The following PADI2 variants were observed in gnomAD, a reference collection of about 807,000 sequenced individuals.
PADI2 encodes protein-arginine deiminase type-2.
In PADI2, 70 loss-of-function variants were observed where a neutral mutation model predicts 81.1. The observed-to-expected ratio is 0.86, with a 90% CI of 0.71 to 1.05. The LOEUF (loss-of-function observed/expected upper bound fraction) is 1.05, where lower values mean the gene tolerates loss of function less well. Ranked by LOEUF, PADI2 falls within the 50% of genes least tolerant of loss-of-function variation. The pLI is 0.00. For missense variants in PADI2, 853 were observed against 889.9 expected (o/e 0.96, Z 0.53); for synonymous variants, 338 against 358.0 (o/e 0.94, Z 0.63).
intron 13 of PADI2, among the ~76,000 whole-genome samples, chr1:17,072,560 C>T (rs2078271965): frequency 6.6e-6 from 1 of 152,168 alleles, no homozygotes; most frequent in Non-Finnish European, 1.5e-5. Flanking sequence ...CACCTTCCTC[C>T]CCAGGTCTCC....
intron 1 of PADI2, among the ~76,000 whole-genome samples, chr1:17,112,197 A>G (rs1931600943): frequency 6.6e-6 from 1 of 152,038 alleles, no homozygotes; most frequent in Admixed American, 6.6e-5. Flanking sequence ...GGCTGTGGAA[A>G]TGGAGAGAAA....
At chr1:17,113,878 G>A (rs1212397989) in intron 1 of PADI2, among the ~76,000 whole-genome samples, 1 of 152,200 alleles carries the variant, frequency 6.6e-6, no homozygotes, top group Non-Finnish European at 1.5e-5. Flanking sequence ...GGGCACTGGG[G>A]TGAGCCCCTG....
At position 17,084,591 on chromosome 1, in the gene PADI2, C is replaced by A; in HGVS notation, c.938+8G>T. On this transcript the variant is annotated splice_region_variant and intron_variant, in intron 8 of 15. Coordinates refer to ENST00000375486, the MANE Select transcript of PADI2 (RefSeq NM_007365.3). Reference sequence around the variant, plus strand: ...ACGCTGCCTCTCCAGGCTGGGGTCACCCCTTACCAGCACACAAACACCGAC... The same window carrying A: ...ACGCTGCCTCTCCAGGCTGGGGTCAACCCTTACCAGCACACAAACACCGAC... 1 of 1,561,474 alleles carries A rather than the reference C, an allele frequency of 6.4e-7. No homozygotes were observed. The highest frequency in any genetic ancestry group is 1.4e-5 in the African/African-American group (1 of 73,616).
At chr1:17,079,626 G>A (rs549774195) in intron 10 of PADI2, among the ~76,000 whole-genome samples, 16 of 151,474 alleles carry the variant, frequency 1.1e-4, no homozygotes, top group African/African-American at 3.9e-4. Context: ...GTGAGAGTGC[G>A]AGTGAGAGTG....
chr1:17,083,641 G>T, intron 9 of PADI2, 85 bp downstream of exon 9: 1 of 795,688 alleles, frequency 1.3e-6, no homozygotes, highest in East Asian at 2.4e-5. Flanking sequence ...AGAGCTGCTG[G>T]GTGCCAGGCA....
chr1:17,093,106 T>A (rs1228771099), intron 5 of PADI2, among the ~76,000 whole-genome samples: 1 of 151,980 alleles, frequency 6.6e-6, no homozygotes, highest in African/African-American at 2.4e-5. Context: ...TTCTTCTTTT[T>A]TTTTCTTGAG....
At chr1:17,071,048 C>T (rs1236333591) in intron 14 of PADI2, among the ~76,000 whole-genome samples, 1 of 152,194 alleles carries the variant, frequency 6.6e-6, no homozygotes, top group Non-Finnish European at 1.5e-5. Flanking sequence ...AAGCAATCCT[C>T]CCGCCTTGGC....
At chr1:17,082,784 A>G (rs2101583246) in intron 9 of PADI2, 132 bp from the exon 10 acceptor site, 1 of 608,102 alleles carries the variant, frequency 1.6e-6, no homozygotes, top group Non-Finnish European at 2.9e-6. Context: ...CTGGTCCCCC[A>G]TCCTCCTCCC....
chr1:17,095,604 A>G (rs1930891619), intron 4 of PADI2, among the ~76,000 whole-genome samples: 1 of 152,110 alleles, frequency 6.6e-6, no homozygotes, highest in Non-Finnish European at 1.5e-5. Context: ...CAGGCAAAAT[A>G]ATAAGAGCAA....
intron 1 of PADI2, among the ~76,000 whole-genome samples, chr1:17,110,974 A>C (rs1931559500): frequency 6.6e-6 from 1 of 152,082 alleles, no homozygotes; most frequent in Admixed American, 6.6e-5. Context: ...TCATTCACTC[A>C]ACATGTATTT....
intron 6 of PADI2, among the ~76,000 whole-genome samples, 180 bp downstream of exon 6, chr1:17,092,228 A>G (rs1930721961): frequency 1.3e-5 from 2 of 152,036 alleles, no homozygotes; most frequent in Non-Finnish European, 2.9e-5. Flanking sequence ...TGAGAGGAGG[A>G]GCGATGTGTC....
chr1:17,100,629 G>C (rs1931108695), intron 3 of PADI2, among the ~76,000 whole-genome samples: 1 of 150,200 alleles, frequency 6.7e-6, no homozygotes, highest in Admixed American at 6.7e-5. Context: ...TATTTTTTAA[G>C]AGTTAAAATG....
chr1:17,077,761 C>T (rs573726259), intron 11 of PADI2, among the ~76,000 whole-genome samples: 24 of 152,292 alleles, frequency 1.6e-4, no homozygotes, highest in African/African-American at 3.8e-4. Context: ...CCATGTGGCT[C>T]GGAGGAAACT....
intron 10 of PADI2, 25 bp downstream of exon 10, chr1:17,082,520 C>T (rs1284170921): frequency 4.3e-6 from 6 of 1,407,232 alleles, no homozygotes; most frequent in Non-Finnish European, 6.1e-6. Flanking sequence ...CATGCTCCAC[C>T]CGCAAGTGGC....
At chr1:17,114,303 T>C (rs1931684308) in intron 1 of PADI2, among the ~76,000 whole-genome samples, 1 of 152,196 alleles carries the variant, frequency 6.6e-6, no homozygotes, top group African/African-American at 2.4e-5. Context: ...CATTCATTCA[T>C]TCATTCAGGG....
At chr1:17,075,597 C>T (rs1213538369) in intron 12 of PADI2, 82 bp downstream of exon 12, 3 of 1,296,752 alleles carry the variant, frequency 2.3e-6, no homozygotes, top group African/African-American at 3.0e-5. Flanking sequence ...GTTCCTCTAG[C>T]TCTTGCCCTC....
At position 17,083,807 on chromosome 1, in the gene PADI2, C is replaced by G; in HGVS notation, c.969G>C (p.Glu323Asp). Residue 323 changes from glutamate (E) to aspartate (D), a missense_variant, in exon 9 of 16, where the codon GAG becomes GAC. Transcript: ENST00000375486. ...CMKDNYLFLK[E>D]VKNLVEKTNC... is the part of the protein sequence containing the mutation. ...TGGTTTTCTCCACAAGGTTCTTCACCTCTTTCAGGAACAGGTAATTATCCT... is the reference window on the plus strand; with the variant it reads ...TGGTTTTCTCCACAAGGTTCTTCACGTCTTTCAGGAACAGGTAATTATCCT... 2.5e-6 allele frequency: 4 copies of G among 1,612,860 alleles called. No homozygotes were observed. Among genetic ancestry groups the G allele is most frequent in the Non-Finnish European group, 3.4e-6 (4 of 1,178,840 alleles).
In PADI2 at chr1:17,092,508, G is replaced by T. The variant is rs757048996; in HGVS notation, c.555C>A (p.Ile185=). ...KEDLKDMSQM[I]LRTKGPDRLP... Reference sequence around the variant, plus strand: ...GGCGGTCGGGGCCTTTGGTCCGCAGGATCATCTGGGACATGTCCTTGAGAT... The same window carrying T: ...GGCGGTCGGGGCCTTTGGTCCGCAGTATCATCTGGGACATGTCCTTGAGAT... The change falls in exon 6 of 16, where the codon ATC becomes ATA. Residue 185 remains isoleucine (I), a synonymous_variant. Coordinates refer to ENST00000375486, the MANE Select transcript of PADI2 (RefSeq NM_007365.3). The T allele has an allele frequency of 4.4e-6, 7 of 1,604,648 alleles. No individual in the cohort carries two copies. Among genetic ancestry groups the T allele is most frequent in the Non-Finnish European group, 6.0e-6 (7 of 1,176,202 alleles).
At chr1:17,087,153 C>T (rs1387140169) in intron 6 of PADI2, among the ~76,000 whole-genome samples, 16 of 152,174 alleles carry the variant, frequency 1.1e-4, no homozygotes, top group Admixed American at 1.0e-3. Flanking sequence ...GCTCTCATCC[C>T]CTCTGTATAA....
Sources: allele counts gnomAD v4.1 joint callset (sites outside exome capture counted in the v4.1 genomes callset), GRCh38; gene constraint gnomAD v4.1.1; transcripts MANE v1.5; gene names NCBI Gene and HGNC (gene_info 2026-07-23, HGNC 2026-07-21).